Variants in HACD1 observed in about 807,000 individuals in gnomAD.
The protein encoded by HACD1 is very-long-chain (3R)-3-hydroxyacyl-CoA dehydratase 1.
Under a neutral mutation model 32.0 loss-of-function variants are expected in HACD1, and 41 were observed. The observed-to-expected ratio is 1.28, with a 90% CI of 1.00 to 1.66. The LOEUF is 1.66. Ranked by LOEUF, HACD1 falls within the 40% of genes most tolerant of loss-of-function variation. The pLI, the probability that HACD1 is intolerant of heterozygous loss-of-function variation, is 0.00. For synonymous variants in HACD1, 142 were observed against 139.0 expected, an observed-to-expected ratio of 1.02 and a Z score of -0.15; for missense variants, 396 against 380.1, an observed-to-expected ratio of 1.04 and a Z score of -0.35.
chr10:17,591,976 ATTTT>A (rs71393019), intron 6 of HACD1, among the ~76,000 whole-genome samples: 6 of 96,940 alleles, frequency 6.2e-5, no homozygotes, highest in African/African-American at 9.0e-5. Flanking sequence ...CCAGCTACTG[ATTTT>A]TTTTTTTTTT....
rs1321129827 is a variant in HACD1 at position 17,590,032 on chromosome 10, T to A, written c.*332A>T. On this transcript the variant is annotated 3_prime_UTR_variant, in exon 7 of 7. Transcript: ENST00000361271. ...CACTAGCAGGTATAATAGTAAATCG[T>A]TAAACTAATTTCTAAATATTGATTT... 6.2e-6 allele frequency: 1 copy of A among 162,178 alleles called. No individual in the cohort carries two copies. Among genetic ancestry groups the A allele is most frequent in the Non-Finnish European group, 1.3e-5 (1 of 74,894 alleles). 10.0% of individuals were successfully genotyped at this position (162,178 alleles called of 1,614,324 possible). A position where few individuals can be genotyped will look rare whatever the true frequency, so the allele number is the denominator to read the frequency against.
intron 1 of HACD1, among the ~76,000 whole-genome samples, chr10:17,612,148 A>C (rs1554817571): frequency 6.6e-6 from 1 of 151,216 alleles, no homozygotes; most frequent in African/African-American, 2.4e-5. Context: ...AAATCCTTAC[A>C]TCCTTTAAAG....
intron 2 of HACD1, 88 bp downstream of exon 2, chr10:17,603,842 A>T (rs782325821): frequency 6.8e-7 from 1 of 1,460,996 alleles, no homozygotes; most frequent in Admixed American, 1.8e-5. Flanking sequence ...GGTGGTATGT[A>T]ATCAGCAAAA....
At chr10:17,604,256 C>T (rs1020698625) in intron 1 of HACD1, among the ~76,000 whole-genome samples, 2 of 152,038 alleles carry the variant, frequency 1.3e-5, no homozygotes, top group African/African-American at 2.4e-5. Context: ...GAGGCCAAGA[C>T]GGGCGGATCA....
chr10:17,617,248 G>C lies in HACD1; in HGVS notation c.92C>G (p.Pro31Arg). The change falls in exon 1 of 7, where the codon CCC (proline) becomes CGC (arginine). Residue 31 changes from proline (P) to arginine (R), a missense_variant. Physicochemically the swap from Pro to Arg is moderately radical, Grantham distance 103 (BLOSUM62 -2). Coordinates refer to ENST00000361271, the MANE Select transcript of HACD1 (RefSeq NM_014241.4). ...GGTGGCCGCGCACCTGGGGGACGTG[G>C]GAGACAGCGGCAGGAGCGTGGGAGG... ...GSPPTLLPLS[P>R]TSPRCAATMA... 1 of 1,480,910 alleles carries C rather than the reference G, an allele frequency of 6.8e-7. No individual in the cohort carries two copies. The highest frequency in any genetic ancestry group is 8.9e-7 in the Non-Finnish European group (1 of 1,121,356). 91.7% of individuals were successfully genotyped at this position (1,480,910 alleles called of 1,614,324 possible).
intron 1 of HACD1, among the ~76,000 whole-genome samples, chr10:17,614,433 T>C (rs1554817800): frequency 1.3e-5 from 2 of 152,160 alleles, no homozygotes; most frequent in Non-Finnish European, 1.5e-5. Context: ...ATTTTTGTAT[T>C]TTTAATAGAG....
intron 1 of HACD1, among the ~76,000 whole-genome samples, chr10:17,613,869 G>C (rs1225123843): frequency 6.6e-6 from 1 of 152,012 alleles, no homozygotes; most frequent in East Asian, 1.9e-4. Flanking sequence ...CACAGAAGCA[G>C]AGCGCTGTGA....
At chr10:17,616,733 G>T (rs1350953336) in intron 1 of HACD1, among the ~76,000 whole-genome samples, 1 of 151,840 alleles carries the variant, frequency 6.6e-6, no homozygotes, top group Non-Finnish European at 1.5e-5. Context: ...GCGCTCCCGA[G>T]ACCATCGAGT....
intron 6 of HACD1, among the ~76,000 whole-genome samples, chr10:17,590,926 C>T (rs45535936): frequency 0.25 from 38,471 of 152,088 alleles, 5,128 homozygotes; most frequent in Non-Finnish European, 0.29. Flanking sequence ...CCGCCTGCCT[C>T]GGCCTCCCAA....
intron 6 of HACD1, among the ~76,000 whole-genome samples, chr10:17,592,012 C>T (rs1384436638): frequency 3.8e-5 from 4 of 103,944 alleles, no homozygotes; most frequent in African/African-American, 1.0e-4. Flanking sequence ...GATGGAGTCT[C>T]ACTCTGTCAC....
chr10:17,595,611 G>A (rs530750055), intron 5 of HACD1, among the ~76,000 whole-genome samples: 15 of 152,148 alleles, frequency 9.9e-5, no homozygotes, highest in African/African-American at 3.4e-4. Context: ...AGTAGGCCAG[G>A]CATCCTGTAT....
chr10:17,599,477 CT>C, intron 4 of HACD1, 66 bp from the exon 5 acceptor site: 4 of 1,536,744 alleles, frequency 2.6e-6, no homozygotes, highest in Non-Finnish European at 3.5e-6. Context: ...AAGGTACTTA[CT>C]TTACTTATTT....
intron 1 of HACD1, among the ~76,000 whole-genome samples, chr10:17,605,957 A>G (rs144987436): frequency 2.2e-3 from 332 of 152,204 alleles, no homozygotes; most frequent in African/African-American, 7.0e-3. Context: ...CTGTCTCAAA[A>G]AAAAGAAAAG....
intron 1 of HACD1, among the ~76,000 whole-genome samples, chr10:17,610,009 G>T (rs937625517): frequency 6.8e-6 from 1 of 147,256 alleles, no homozygotes; most frequent in African/African-American, 2.5e-5. Context: ...AAGAACGAAA[G>T]AAATTAAACA....
At chr10:17,602,606 A>T (rs1024005871) in intron 4 of HACD1, among the ~76,000 whole-genome samples, 3 of 152,228 alleles carry the variant, frequency 2.0e-5, no homozygotes, top group African/African-American at 7.2e-5. Flanking sequence ...ATATGTACGC[A>T]TTGTGAAATG....
intron 1 of HACD1, among the ~76,000 whole-genome samples, chr10:17,605,053 T>C (rs958757113): frequency 2.0e-5 from 3 of 152,010 alleles, no homozygotes. Flanking sequence ...GTCAAATTCA[T>C]AGAGACAGAA....
intron 1 of HACD1, among the ~76,000 whole-genome samples, chr10:17,611,469 C>T (rs1476071229): frequency 6.6e-6 from 1 of 152,236 alleles, no homozygotes; most frequent in East Asian, 1.9e-4. Context: ...TCCTCTGACA[C>T]ATCTGCTTAG....
intron 6 of HACD1, among the ~76,000 whole-genome samples, chr10:17,590,817 A>G (rs1282499311): frequency 6.6e-6 from 1 of 152,012 alleles, no homozygotes; most frequent in Non-Finnish European, 1.5e-5. Flanking sequence ...GATTACAGGC[A>G]TGCATCACCA....
intron 1 of HACD1, among the ~76,000 whole-genome samples, chr10:17,616,169 T>G (rs1278594109): frequency 6.6e-6 from 1 of 151,056 alleles, no homozygotes; most frequent in Non-Finnish European, 1.5e-5. Context: ...CTCGGGAGGC[T>G]GAGGCAGAAG....
Sources: gnomAD v4.1 joint callset for allele counts (sites outside exome capture counted in the v4.1 genomes callset) on GRCh38, gnomAD v4.1.1 for gene constraint, MANE v1.5 for transcripts, NCBI Gene and HGNC (gene_info 2026-07-23, HGNC 2026-07-21) for gene names.